LAPTM4B: variants seen among roughly 807,000 people sequenced by gnomAD.
LAPTM4B encodes lysosomal-associated transmembrane protein 4B.
LAPTM4B carries 26 observed loss-of-function variants against 28.5 expected under a neutral mutation model. The ratio of observed to expected loss-of-function variants is 0.91; its 90% CI spans 0.67 to 1.27. LAPTM4B has a LOEUF of 1.27. Ranked by LOEUF, LAPTM4B falls within the 50% of genes most tolerant of loss-of-function variation. The pLI is 0.00. For missense variants in LAPTM4B, 288 were observed against 285.8 expected (o/e 1.01, Z -0.06); for synonymous variants, 109 against 106.4 (o/e 1.02, Z -0.15).
At chr8:97,825,265 G>A (rs1389412743) in intron 6 of LAPTM4B, 112 bp downstream of exon 6, 5 of 542,114 alleles carry the variant, frequency 9.2e-6, no homozygotes, top group Non-Finnish European at 1.7e-5. Context: ...ACATACTCAT[G>A]AGCTGCTTAG....
At chr8:97,817,133 G>T (rs892652049) in intron 4 of LAPTM4B, among the ~76,000 whole-genome samples, 35 of 151,986 alleles carry the variant, frequency 2.3e-4, no homozygotes, top group African/African-American at 8.0e-4. Context: ...CTATGAGGTT[G>T]GAATAACTTT....
chr8:97,785,598 C>T (rs1180765025), intron 1 of LAPTM4B, among the ~76,000 whole-genome samples: 1 of 152,172 alleles, frequency 6.6e-6, no homozygotes, highest in African/African-American at 2.4e-5. Context: ...CCTGACTGTA[C>T]ACACAGATTA....
At chr8:97,792,757 T>A (rs552213282) in intron 1 of LAPTM4B, among the ~76,000 whole-genome samples, 1 of 152,110 alleles carries the variant, frequency 6.6e-6, no homozygotes, top group East Asian at 1.9e-4. Context: ...TTTGTATTTT[T>A]AGTAGAGAGA....
At chr8:97,809,193 G>A (rs989773742) in intron 2 of LAPTM4B, among the ~76,000 whole-genome samples, 7 of 152,144 alleles carry the variant, frequency 4.6e-5, no homozygotes. Context: ...AAGGCATGCA[G>A]TGTTGCTACC....
chr8:97,818,622 C>T (rs1028679577), intron 4 of LAPTM4B, among the ~76,000 whole-genome samples: 1 of 152,116 alleles, frequency 6.6e-6, no homozygotes, highest in Non-Finnish European at 1.5e-5. Flanking sequence ...GGGAGAAGTA[C>T]CATCAACAAA....
At chr8:97,825,020 T>C (rs1467735124) in intron 5 of LAPTM4B, 38 bp from the exon 6 acceptor site, 1 of 1,214,804 alleles carries the variant, frequency 8.2e-7, no homozygotes, top group Non-Finnish European at 1.2e-6. Flanking sequence ...ACCTGCAGTT[T>C]GAAAATTAAA....
intron 1 of LAPTM4B, among the ~76,000 whole-genome samples, chr8:97,797,679 A>G (rs952162811): frequency 3.0e-5 from 4 of 135,286 alleles, no homozygotes; most frequent in Non-Finnish European, 6.2e-5. Context: ...GTGGGTTTGA[A>G]TGTTCATAAG....
intron 6 of LAPTM4B, among the ~76,000 whole-genome samples, chr8:97,845,864 T>C (rs868701667): frequency 4.5e-3 from 26 of 5,754 alleles, no homozygotes; most frequent in Non-Finnish European, 8.5e-3. Context: ...TTCCCCCCCC[T>C]TCCACTCCCC....
intron 6 of LAPTM4B, among the ~76,000 whole-genome samples, chr8:97,835,106 ATG>A (rs1321993278): frequency 1.3e-5 from 2 of 152,220 alleles, no homozygotes; most frequent in Non-Finnish European, 2.9e-5. Flanking sequence ...ATGTGTAATA[ATG>A]TATGTTTCTC....
chr8:97,832,466 G>A (rs1030752629), intron 6 of LAPTM4B, among the ~76,000 whole-genome samples: 2 of 152,088 alleles, frequency 1.3e-5, no homozygotes, highest in African/African-American at 4.8e-5. Flanking sequence ...TTTTTAAGAT[G>A]AGGAAACTGA....
chr8:97,805,078 A>G (rs761414006), intron 1 of LAPTM4B, among the ~76,000 whole-genome samples: 16 of 152,168 alleles, frequency 1.1e-4, no homozygotes, highest in Admixed American at 6.5e-4. Flanking sequence ...TCACTGCTCT[A>G]TGGTGCCTGG....
intron 1 of LAPTM4B, among the ~76,000 whole-genome samples, chr8:97,783,153 C>T (rs1214056026): frequency 2.0e-5 from 3 of 149,302 alleles, no homozygotes; most frequent in Non-Finnish European, 4.4e-5. Context: ...CCAAATGCCT[C>T]TGTGCCAGAC....
In LAPTM4B at chr8:97,775,879, G is replaced by A; in HGVS notation, c.-131G>A. On this transcript the variant is annotated 5_prime_UTR_variant, in exon 1 of 7. Transcript: ENST00000521545. ...CGGGGTATCGAGGAGGCAGGCCCGCGGGCGCACGGGCGAGCGGGCCGGGAG... is the reference window on the plus strand; with the variant it reads ...CGGGGTATCGAGGAGGCAGGCCCGCAGGCGCACGGGCGAGCGGGCCGGGAG... 1 of 1,484,242 alleles carries A rather than the reference G, an allele frequency of 6.7e-7. No homozygotes were observed. The highest frequency in any genetic ancestry group is 8.9e-7 in the Non-Finnish European group (1 of 1,123,720). The allele number at this position is 1,484,242 out of a possible 1,614,324, so 91.9% of individuals were successfully genotyped here.
intron 6 of LAPTM4B, among the ~76,000 whole-genome samples, chr8:97,843,929 T>C (rs896884152): frequency 6.6e-6 from 1 of 152,216 alleles, no homozygotes; most frequent in African/African-American, 2.4e-5. Flanking sequence ...TAAATTCCTA[T>C]TTTAGTTTAC....
rs754479476 is a variant in LAPTM4B at position 97,819,159 on chromosome 8, G to A, written c.428G>A (p.Arg143Lys). The change falls in exon 5 of 7, where the codon AGA becomes AAA. Residue 143 changes from arginine (R) to lysine (K), a missense_variant. Coordinates refer to ENST00000521545, the MANE Select transcript of LAPTM4B (RefSeq NM_018407.6). ...TTGCAGCCTCCTAATTTTCCCTACA[G>A]AGATGATGTCATGTCAGTGAATCCT... ...IRQLPPNFPY[R>K]DDVMSVNPTC... 1.2e-6 allele frequency: 2 copies of A among 1,607,112 alleles called. No homozygotes were observed. Among genetic ancestry groups the A allele is most frequent in the Non-Finnish European group, 1.7e-6 (2 of 1,176,170 alleles).
intron 1 of LAPTM4B, among the ~76,000 whole-genome samples, chr8:97,788,515 C>G (rs1401333497): frequency 2.0e-5 from 3 of 152,082 alleles, no homozygotes; most frequent in Non-Finnish European, 2.9e-5. Flanking sequence ...CCCAGAAGTG[C>G]TGAGGTTAAC....
chr8:97,847,494 G>T (rs1225037178), intron 6 of LAPTM4B, among the ~76,000 whole-genome samples: 5 of 152,190 alleles, frequency 3.3e-5, no homozygotes, highest in Admixed American at 3.3e-4. Context: ...ACTAACACCA[G>T]CTTCCACAAA....
At chr8:97,812,219 T>G (rs1816843275) in intron 2 of LAPTM4B, among the ~76,000 whole-genome samples, 4 of 46,212 alleles carry the variant, frequency 8.7e-5, no homozygotes, top group East Asian at 1.7e-3. Context: ...TTTTTTTTGT[T>G]GTTTTTTGTT....
chr8:97,786,663 C>T (rs1034977334), intron 1 of LAPTM4B, among the ~76,000 whole-genome samples: 2 of 150,334 alleles, frequency 1.3e-5, no homozygotes, highest in Non-Finnish European at 3.0e-5. Flanking sequence ...CGTGCCGCTA[C>T]ACTCCAGCCC....
Sources: allele counts gnomAD v4.1 joint callset (sites outside exome capture counted in the v4.1 genomes callset), GRCh38; gene constraint gnomAD v4.1.1; transcripts MANE v1.5; gene names NCBI Gene and HGNC (gene_info 2026-07-23, HGNC 2026-07-21).